The following ALB variants were observed in gnomAD, a reference collection of about 807,000 sequenced individuals.
ALB encodes the protein serum albumin.
A neutral mutation model predicts 74.5 loss-of-function variants in ALB; 37 were observed. That is an observed-to-expected ratio of 0.50 (90% confidence interval 0.38 to 0.65). ALB has a LOEUF of 0.65. ALB is among the 30% of genes least tolerant of loss of function. The pLI, the probability that ALB is intolerant of heterozygous loss-of-function variation, is 0.00. For missense variants in ALB, 685 were observed against 718.7 expected (o/e 0.95, Z 0.54); for synonymous variants, 249 against 251.6 (o/e 0.99, Z 0.10).
chr4:73,417,912 C>T, intron 11 of ALB, 176 bp from the exon 12 acceptor site: 1 of 724,072 alleles, frequency 1.4e-6, no homozygotes, highest in Non-Finnish European at 2.3e-6. Context: ...GCAGTGGTGC[C>T]ATCTCGGCTC....
In ALB at chr4:73,417,600, C is replaced by T; in HGVS notation, c.1359C>T (p.Asn453=). Residue 453 remains asparagine (N), a synonymous_variant, in exon 11 of 15, where the codon AAC becomes AAT. Coordinates refer to ENST00000295897, the MANE Select transcript of ALB (RefSeq NM_000477.7). ...STPTLVEVSR[N]LGKVGSKCCK... ...CAACTCTTGTAGAGGTCTCAAGAAA[C>T]CTAGGAAAAGTGGGCAGCAAATGTT... 6.2e-7 allele frequency: 1 copy of T among 1,613,562 alleles called. No homozygotes were observed. Among genetic ancestry groups the T allele is most frequent in the South Asian group, 1.1e-5 (1 of 91,054 alleles).
At chr4:73,413,178 T>C (rs1305761393) in intron 7 of ALB, 2 of 481,460 alleles carry the variant, frequency 4.2e-6, no homozygotes, top group East Asian at 3.6e-5. Context: ...AGTAGAAACA[T>C]AAAATTAATA....
At chr4:73,419,818 T>G (rs908956842) in intron 13 of ALB, among the ~76,000 whole-genome samples, 179 bp downstream of exon 13, 19 of 152,240 alleles carry the variant, frequency 1.2e-4, no homozygotes, top group Admixed American at 5.2e-4. Context: ...TCTCCTGCTC[T>G]ATTGTGCCAT....
Position 73,415,110 on chromosome 4 carries a change from A to G in ALB, c.1134A>G (p.Glu378=). The change falls in exon 9 of 15, where the codon GAA becomes GAG. Residue 378 remains glutamate, a synonymous_variant. Coordinates refer to ENST00000295897, the MANE Select transcript of ALB (RefSeq NM_000477.7). ...TGCTGAGACTTGCCAAGACATATGA[A>G]ACCACTCTAGAGAAGTGCTGTGCCG... The part of the protein sequence containing the change: ...VLLLRLAKTY[E]TTLEKCCAAA... The G allele has an allele frequency of 6.2e-7, 1 of 1,614,172 alleles. No individual in the cohort carries two copies. Among genetic ancestry groups the G allele is most frequent in the Non-Finnish European group, 8.5e-7 (1 of 1,180,022 alleles).
Position 73,421,300 on chromosome 4 carries a change from C to T in ALB, c.*232C>T. Reference sequence around the variant, plus strand: ...TTATTTTTCAAAGATGTGTTGCTATCCTGAAAATTCTGTAGGTTCTGTGGA... The same window carrying T: ...TTATTTTTCAAAGATGTGTTGCTATTCTGAAAATTCTGTAGGTTCTGTGGA... On this transcript the variant is annotated 3_prime_UTR_variant, in exon 15 of 15. Coordinates refer to ENST00000295897, the MANE Select transcript of ALB (RefSeq NM_000477.7). 2 of 418,658 alleles carry T rather than the reference C, an allele frequency of 4.8e-6. No homozygotes were observed. Among genetic ancestry groups the T allele is most frequent in the Non-Finnish European group, 8.5e-6 (2 of 236,534 alleles). The allele number at this position is 418,658 out of a possible 1,614,324, so 25.9% of individuals were successfully genotyped here. A position where few individuals can be genotyped will look rare whatever the true frequency, so the allele number is the denominator to read the frequency against.
At chr4:73,413,995 C>T (rs1382851808) in intron 8 of ALB, among the ~76,000 whole-genome samples, 1 of 152,112 alleles carries the variant, frequency 6.6e-6, no homozygotes, top group Non-Finnish European at 1.5e-5. Flanking sequence ...GTCTATCTAA[C>T]TAATCTAATC....
intron 10 of ALB, 53 bp downstream of exon 10, chr4:73,416,406 C>A: frequency 7.6e-7 from 1 of 1,323,128 alleles, no homozygotes; most frequent in Non-Finnish European, 1.1e-6. Flanking sequence ...TTATTTAAGA[C>A]TTAATATATG....
At chr4:73,417,710 A>G (rs774762539) in intron 11 of ALB, 41 bp downstream of exon 11, 2 of 1,475,358 alleles carry the variant, frequency 1.4e-6, no homozygotes, top group Middle Eastern at 1.9e-4. Context: ...TAATGAAAAA[A>G]TTTTACCTTT....
chr4:73,405,103 T>G lies in ALB; in HGVS notation c.80-13T>G. The G allele has an allele frequency of 6.2e-7, 1 of 1,612,738 alleles. No individual in the cohort carries two copies. On this transcript the variant is annotated splice_polypyrimidine_tract_variant and intron_variant, in intron 1 of 14. Transcript: ENST00000295897. Reference sequence around the variant, plus strand: ...CAGTATTTAACAATCCTTTTTTTTCTTCCCTTGCCCAGACAAGAGTGAGGT... The same window carrying G: ...CAGTATTTAACAATCCTTTTTTTTCGTCCCTTGCCCAGACAAGAGTGAGGT...
chr4:73,406,601 C>T, intron 2 of ALB, 28 bp from the exon 3 acceptor site: 1 of 1,611,594 alleles, frequency 6.2e-7, no homozygotes, highest in Non-Finnish European at 8.5e-7. Flanking sequence ...TTTTATTATA[C>T]TACATTTTTC....
intron 11 of ALB, 108 bp from the exon 12 acceptor site, chr4:73,417,980 C>A: frequency 9.6e-7 from 1 of 1,044,142 alleles, no homozygotes; most frequent in Non-Finnish European, 1.4e-6. Context: ...TCCCAAGTAG[C>A]TGGGACTACA....
At chr4:73,414,037 G>A (rs1718949571) in intron 8 of ALB, among the ~76,000 whole-genome samples, 1 of 152,110 alleles carries the variant, frequency 6.6e-6, no homozygotes, top group South Asian at 2.1e-4. Context: ...TCTATGCAAT[G>A]ATAGCAAAGA....
intron 6 of ALB, among the ~76,000 whole-genome samples, chr4:73,411,484 G>T (rs1254164433): frequency 6.6e-6 from 1 of 152,196 alleles, no homozygotes; most frequent in Non-Finnish European, 1.5e-5. Context: ...ACCTTTAGAA[G>T]TCAGAAAAAA....
intron 12 of ALB, 137 bp downstream of exon 12, chr4:73,418,448 T>C: frequency 1.3e-6 from 1 of 767,774 alleles, no homozygotes; most frequent in Non-Finnish European, 2.2e-6. Context: ...ATTATGCTGA[T>C]AAGAGTACCC....
chr4:73,412,855 G>T (rs1718914873), intron 7 of ALB, among the ~76,000 whole-genome samples: 1 of 152,118 alleles, frequency 6.6e-6, no homozygotes, highest in Non-Finnish European at 1.5e-5. Flanking sequence ...AATTAACTCT[G>T]TTTGTTAGAT....
In ALB at chr4:73,417,419, A is replaced by G; in HGVS notation, c.1290-112A>G. On this transcript the variant is annotated intron_variant, in intron 10 of 14. Transcript: ENST00000295897. ...CTACTCTGCAGATGGAGATAATATG[A>G]TGAATGGAACATAGCAACATCTTAG... 3.0e-6 allele frequency: 4 copies of G among 1,340,868 alleles called. No individual in the cohort carries two copies. The Admixed American group carries it at 6.8e-5, about 23-fold the overall frequency. The allele number at this position is 1,340,868 out of a possible 1,614,324, so 83.1% of individuals were successfully genotyped here.
In ALB at chr4:73,404,416, C is replaced by T. The variant is rs1718667838; in HGVS notation, c.79+10C>T. On this transcript the variant is annotated intron_variant, in intron 1 of 14. Coordinates refer to ENST00000295897, the MANE Select transcript of ALB (RefSeq NM_000477.7). ...TTTCGTCGAGATGCACGTAAGAAAT[C>T]CATTTTTCTATTGTTCAACTTTTAT... 6.2e-7 allele frequency: 1 copy of T among 1,602,348 alleles called. No individual in the cohort carries two copies. The highest frequency in any genetic ancestry group is 8.5e-7 in the Non-Finnish European group (1 of 1,169,636).
At chr4:73,409,556 T>C in intron 5 of ALB, 69 bp downstream of exon 5, 1 of 1,600,582 alleles carries the variant, frequency 6.2e-7, no homozygotes, top group South Asian at 1.1e-5. Context: ...TGTGGCTAGA[T>C]TTAGGGAACC....
intron 9 of ALB, 31 bp downstream of exon 9, chr4:73,415,198 C>T: frequency 6.2e-7 from 1 of 1,612,258 alleles, no homozygotes; most frequent in Non-Finnish European, 8.5e-7. Flanking sequence ...AAATGTAGTT[C>T]TTTGACTGAT....
Sources: gnomAD v4.1 joint callset for allele counts (sites outside exome capture counted in the v4.1 genomes callset) on GRCh38, gnomAD v4.1.1 for gene constraint, MANE v1.5 for transcripts, NCBI Gene and HGNC (gene_info 2026-07-23, HGNC 2026-07-21) for gene names.